NCKAP5L: variants seen among roughly 807,000 people sequenced by gnomAD.
The protein encoded by NCKAP5L is NCK associated protein 5 like, also known as nck-associated protein 5-like.
NCKAP5L carries 54 observed loss-of-function variants against 103.2 expected under a neutral mutation model. That is an observed-to-expected ratio of 0.52 (90% CI 0.42 to 0.66). NCKAP5L has a LOEUF of 0.66. NCKAP5L is among the 30% of genes least tolerant of loss of function. The pLI is 0.00. For missense variants in NCKAP5L, 1,733 were observed against 1,750.6 expected, an observed-to-expected ratio of 0.99 and a Z score of 0.18; for synonymous variants, 762 against 748.6, an observed-to-expected ratio of 1.02 and a Z score of -0.29.
chr12:49,806,345 G>C (rs1946179589), intron 1 of NCKAP5L, among the ~76,000 whole-genome samples: 1 of 152,248 alleles, frequency 6.6e-6, no homozygotes, highest in Non-Finnish European at 1.5e-5. Context: ...AGAGGAGACT[G>C]AAAAGTCACA....
chr12:49,800,405 T>C (rs1946105743), intron 6 of NCKAP5L, among the ~76,000 whole-genome samples: 1 of 152,230 alleles, frequency 6.6e-6, no homozygotes, highest in Non-Finnish European at 1.5e-5. Context: ...AGACAGGGCC[T>C]TGTGATGCAG....
chr12:49,794,913 C>A lies in NCKAP5L; in HGVS notation c.2947G>T (p.Glu983Ter). 6.5e-7 allele frequency: 1 copy of A among 1,540,604 alleles called. No individual in the cohort carries two copies. The highest frequency in any genetic ancestry group is 8.7e-7 in the Non-Finnish European group (1 of 1,143,858). ...AKAEDLRRAL[E>*]EEKAYLSSRA... is the part of the protein sequence containing the mutation. ...CTGCTTAGGTAGGCCTTCTCCTCTT[C>A]CAGTGCCCGACGCAGGTCTTCCGCC... The change falls in exon 8 of 13, where the codon GAA (glutamate) becomes TAA (stop). Residue 983 changes from glutamate to a stop codon, truncating the protein, a stop_gained. Transcript: ENST00000335999. LOFTEE classifies it high-confidence loss of function.
intron 1 of NCKAP5L, among the ~76,000 whole-genome samples, chr12:49,808,815 G>A (rs1234717221): frequency 6.6e-6 from 1 of 152,202 alleles, no homozygotes; most frequent in Non-Finnish European, 1.5e-5. Context: ...AATGGCTCTG[G>A]TTTCAGACAT....
At chr12:49,810,008 C>T (rs1946222101) in intron 1 of NCKAP5L, among the ~76,000 whole-genome samples, 1 of 152,104 alleles carries the variant, frequency 6.6e-6, no homozygotes, top group Non-Finnish European at 1.5e-5. Flanking sequence ...TTCTTCCAAA[C>T]CAGCTGCAGG....
In NCKAP5L at chr12:49,796,768, G is replaced by C. The variant is rs199763925; in HGVS notation, c.1092C>G (p.Asp364Glu). Residue 364 changes from aspartate (D) to glutamate (E), a missense_variant, in exon 8 of 13, where the codon GAC becomes GAG. Coordinates refer to ENST00000335999, the MANE Select transcript of NCKAP5L (RefSeq NM_001037806.4). ...ACTTAGACAGCTGTGGGGGCGCCTG[G>C]TCTGGGGAGGATGACTGCCCAGGAC... ...HPGPGQSSSP[D>E]QAPPQLSKSK... 2.3e-5 allele frequency: 37 copies of C among 1,613,608 alleles called. No homozygotes were observed. The highest frequency in any genetic ancestry group is 3.1e-5 in the Non-Finnish European group (37 of 1,179,826).
chr12:49,791,580 C>T lies in NCKAP5L; in HGVS notation c.*259G>A, dbSNP rs1046332851. ...CTGCGACACAGTGGCCTTTAACCCC[C>T]AGTCCCTTCCAGGAAGAGCCTTACT... On this transcript the variant is annotated 3_prime_UTR_variant, in exon 13 of 13. Transcript: ENST00000335999. The T allele has an allele frequency of 1.6e-5, 6 of 383,190 alleles. No homozygotes were observed. Among genetic ancestry groups the T allele is most frequent in the Non-Finnish European group, 2.8e-5 (6 of 214,262 alleles). 23.7% of individuals were successfully genotyped at this position (383,190 alleles called of 1,614,324 possible).
chr12:49,801,532 C>T (rs1946117711), intron 6 of NCKAP5L, among the ~76,000 whole-genome samples: 2 of 152,212 alleles, frequency 1.3e-5, no homozygotes, highest in South Asian at 4.1e-4. Context: ...CAAGAAGAGG[C>T]TGTGTCAGTG....
At chr12:49,818,900 A>C (rs1946329909) in intron 1 of NCKAP5L, among the ~76,000 whole-genome samples, 1 of 152,150 alleles carries the variant, frequency 6.6e-6, no homozygotes, top group South Asian at 2.1e-4. Context: ...GAAGTTTCTC[A>C]AAAAACTTAA....
At position 49,795,198 on chromosome 12, in the gene NCKAP5L, T is replaced by A; in HGVS notation, c.2662A>T (p.Met888Leu). The change falls in exon 8 of 13, where the codon ATG becomes TTG. Residue 888 changes from methionine to leucine, a missense_variant. By Grantham distance (15) the Met-to-Leu change is conservative. Transcript: ENST00000335999. ...APHSAIEEKV[M>L]KGIEENVLRL... Reference sequence around the variant, plus strand: ...AGCACGTTCTCCTCAATGCCCTTCATCACCTTCTCCTCGATGGCTGAGTGT... The same window carrying A: ...AGCACGTTCTCCTCAATGCCCTTCAACACCTTCTCCTCGATGGCTGAGTGT... The A allele has an allele frequency of 6.3e-7, 1 of 1,587,510 alleles. No individual in the cohort carries two copies. Among genetic ancestry groups the A allele is most frequent in the Non-Finnish European group, 8.6e-7 (1 of 1,167,606 alleles).
At position 49,800,754 on chromosome 12, in the gene NCKAP5L, T is replaced by A. The variant is rs560340213; in HGVS notation, c.351+1094A>T. 3.9e-4 allele frequency among the ~76,000 whole-genome samples: 59 copies of A among 152,362 alleles called. 1 individual carries two copies. The highest frequency in any genetic ancestry group is 1.0e-3 in the South Asian group (5 of 4,826). On this transcript the variant is annotated intron_variant, in intron 6 of 12. Transcript: ENST00000335999. ...GCTTCGTGCTCTTTCCATTATGTCA[T>A]GTTACCTCTGGGGAAGATAAATCTA...
At chr12:49,817,600 T>C (rs1946313053) in intron 1 of NCKAP5L, among the ~76,000 whole-genome samples, 1 of 152,050 alleles carries the variant, frequency 6.6e-6, no homozygotes, top group African/African-American at 2.4e-5. Flanking sequence ...CAAAATAGCA[T>C]GGTACTGGCA....
At chr12:49,819,653 G>C (rs1946339490) in intron 1 of NCKAP5L, among the ~76,000 whole-genome samples, 1 of 152,090 alleles carries the variant, frequency 6.6e-6, no homozygotes, top group Admixed American at 6.5e-5. Flanking sequence ...TTGAGCCCAG[G>C]AGTTCAAGAC....
Position 49,791,705 on chromosome 12 carries a change from C to T in NCKAP5L, c.*134G>A, listed in dbSNP as rs1945936514. 4.0e-6 allele frequency: 3 copies of T among 741,408 alleles called. No homozygotes were observed. The highest frequency in any genetic ancestry group is 3.2e-5 in the Admixed American group (1 of 31,070). 45.9% of individuals were successfully genotyped at this position (741,408 alleles called of 1,614,324 possible). ...GGTGGTGGGGTGTGCCAGGGACCCC[C>T]TTTTCACCTTCTTATCCACCTGCCT... On this transcript the variant is annotated 3_prime_UTR_variant, in exon 13 of 13. Transcript: ENST00000335999.
intron 1 of NCKAP5L, among the ~76,000 whole-genome samples, chr12:49,816,198 C>A (rs1243185752): frequency 6.6e-6 from 1 of 152,162 alleles, no homozygotes; most frequent in Non-Finnish European, 1.5e-5. Context: ...AGAGGCCCTT[C>A]CTTGTATTTC....
In NCKAP5L at chr12:49,792,649, G is replaced by A; in HGVS notation, c.3649+29C>T. 2 of 1,613,342 alleles carry A rather than the reference G, an allele frequency of 1.2e-6. No individual in the cohort carries two copies. Among genetic ancestry groups the A allele is most frequent in the Non-Finnish European group, 1.7e-6 (2 of 1,179,592 alleles). ...CTGGGCAGCTCCAGGATGCCCAGGG[G>A]CATCCCACCCTCCCACCTGGACACT... On this transcript the variant is annotated intron_variant, in intron 11 of 12. Transcript: ENST00000335999. The surrounding 1 kb of genome is among the most constrained non-coding windows in gnomAD (Gnocchi z 4.5).
In NCKAP5L at chr12:49,795,856, C is replaced by T; in HGVS notation, c.2004G>A (p.Leu668=). 1 of 1,566,360 alleles carries T rather than the reference C, an allele frequency of 6.4e-7. No individual in the cohort carries two copies. The highest frequency in any genetic ancestry group is 8.6e-7 in the Non-Finnish European group (1 of 1,158,106). Residue 668 remains leucine (L), a synonymous_variant, in exon 8 of 13, where the codon CTG becomes CTA. Transcript: ENST00000335999. ...STPLRDRLAA[L]GKLKTGPEGA... is the part of the protein sequence containing the mutation. ...CCTCGGGGCCTGTCTTCAGCTTCCC[C>T]AGGGCCGCCAGTCTGTCCCGCAGAG...
At position 49,792,147 on chromosome 12, in the gene NCKAP5L, G is replaced by C; in HGVS notation, c.3793-96C>G. ...TCTGAGGGGCGTCTGTGCACCTGAT[G>C]GGGGGCTGCTCCAGAGGGGGCCCAA... On this transcript the variant is annotated intron_variant, in intron 12 of 12. Coordinates refer to ENST00000335999, the MANE Select transcript of NCKAP5L (RefSeq NM_001037806.4). This position sits in a 1 kb window ranked among gnomAD's most constrained non-coding sequence, Gnocchi z 4.5. 3 of 1,201,054 alleles carry C rather than the reference G, an allele frequency of 2.5e-6. No homozygotes were observed. Among genetic ancestry groups the C allele is most frequent in the East Asian group, 2.5e-5 (1 of 39,230 alleles). The allele number at this position is 1,201,054 out of a possible 1,614,324, so 74.4% of individuals were successfully genotyped here.
At chr12:49,819,961 C>T (rs903404643) in intron 1 of NCKAP5L, among the ~76,000 whole-genome samples, 1 of 152,182 alleles carries the variant, frequency 6.6e-6, no homozygotes, top group Non-Finnish European at 1.5e-5. Flanking sequence ...GTATATGGAA[C>T]CAGAATGACT....
chr12:49,795,963 G>C lies in NCKAP5L; in HGVS notation c.1897C>G (p.Pro633Ala). ...LDKAGSESPHPGRRTPGNSSK... is the reference protein window; with the variant it reads ...LDKAGSESPHAGRRTPGNSSK... ...GAGTTGCCTGGGGTCCTGCGGCCGG[G>C]ATGGGGAGACTCCGAGCCTGCCTTG... Residue 633 changes from proline (P) to alanine (A), a missense_variant, in exon 8 of 13, where the codon CCC becomes GCC. Coordinates refer to ENST00000335999, the MANE Select transcript of NCKAP5L (RefSeq NM_001037806.4). 1.3e-6 allele frequency: 2 copies of C among 1,535,166 alleles called. No homozygotes were observed.
Sources: allele counts gnomAD v4.1 joint callset (sites outside exome capture counted in the v4.1 genomes callset), GRCh38; gene constraint gnomAD v4.1.1; non-coding constraint Gnocchi (gnomAD v3.1); transcripts MANE v1.5; gene names NCBI Gene and HGNC (gene_info 2026-07-23, HGNC 2026-07-21).